The following DOP1B variants were observed in gnomAD, a reference collection of about 807,000 sequenced individuals.
DOP1B encodes protein DOP1B.
Under a neutral mutation model 233.5 loss-of-function variants are expected in DOP1B, and 174 were observed. That is an observed-to-expected ratio of 0.75 (90% CI 0.66 to 0.85). DOP1B has a LOEUF of 0.85. DOP1B is among the 40% of genes least tolerant of loss of function. The pLI is 0.00. For missense variants in DOP1B, 2,652 were observed against 2,846.6 expected, an observed-to-expected ratio of 0.93 and a Z score of 1.56; for synonymous variants, 1,190 against 1,185.6, an observed-to-expected ratio of 1.00 and a Z score of -0.08.
At chr21:36,158,161 C>T (rs2065837134) in intron 1 of DOP1B, among the ~76,000 whole-genome samples, 1 of 151,992 alleles carries the variant, frequency 6.6e-6, no homozygotes, top group Non-Finnish European at 1.5e-5. Flanking sequence ...CTGACATTTT[C>T]GATTTTAAGG....
At chr21:36,229,157 A>G (rs2066728404) in intron 13 of DOP1B, among the ~76,000 whole-genome samples, 1 of 152,112 alleles carries the variant, frequency 6.6e-6, no homozygotes, top group Admixed American at 6.5e-5. Flanking sequence ...GTTATTTCGA[A>G]TATAAGCGAG....
intron 23 of DOP1B, among the ~76,000 whole-genome samples, chr21:36,259,511 G>A (rs977060763): frequency 7.2e-5 from 11 of 152,144 alleles, no homozygotes; most frequent in African/African-American, 2.7e-4. Flanking sequence ...GACCTCAAGT[G>A]ATCCACCCGC....
In DOP1B at chr21:36,289,156, C is replaced by A. The variant is rs769956298; in HGVS notation, c.6465C>A (p.Phe2155Leu). The change falls in exon 35 of 37, where the codon TTC (phenylalanine) becomes TTA (leucine). Residue 2155 changes from phenylalanine to leucine, a missense_variant. Coordinates refer to ENST00000691173, the MANE Select transcript of DOP1B (RefSeq NM_001320714.2). ...ELILYLSACKFLDTALSFPPD... is the reference protein window; with the variant it reads ...ELILYLSACKLLDTALSFPPD... ...TCTTGTATTTATCAGCTTGCAAATT[C>A]TTGGACACAGCGCTTTCTTTTCCAC... The A allele has an allele frequency of 1.7e-5, 27 of 1,613,990 alleles. No homozygotes were observed. The highest frequency in any genetic ancestry group is 2.2e-5 in the Non-Finnish European group (26 of 1,180,030).
intron 2 of DOP1B, among the ~76,000 whole-genome samples, chr21:36,179,293 T>C (rs2066067748): frequency 6.6e-6 from 1 of 152,264 alleles, no homozygotes; most frequent in Non-Finnish European, 1.5e-5. Context: ...AAAGTGGTTG[T>C]ATCATTTTAC....
intron 20 of DOP1B, 119 bp downstream of exon 20, chr21:36,247,747 A>G: frequency 3.0e-6 from 2 of 669,648 alleles, no homozygotes; most frequent in Admixed American, 3.4e-5. Flanking sequence ...ATGCGTATGG[A>G]GGTGATGCAA....
At chr21:36,281,414 T>A (rs1200631623) in intron 31 of DOP1B, 69 bp from the exon 32 acceptor site, 1 of 1,485,198 alleles carries the variant, frequency 6.7e-7, no homozygotes, top group East Asian at 2.3e-5. Context: ...TACACTAGTA[T>A]GAATTTCCCA....
chr21:36,186,951 G>A (rs1014947611), intron 2 of DOP1B, among the ~76,000 whole-genome samples: 1 of 152,048 alleles, frequency 6.6e-6, no homozygotes, highest in Non-Finnish European at 1.5e-5. Context: ...CCCTCCCATT[G>A]ACTTTCGGGG....
rs1281685364 is a variant in DOP1B, at chr21:36,246,155, C to T, written c.4175C>T (p.Ser1392Leu). 6 of 1,613,770 alleles carry T rather than the reference C, an allele frequency of 3.7e-6. No individual in the cohort carries two copies. The highest frequency in any genetic ancestry group is 2.2e-5 in the South Asian group (2 of 91,074). ...KVQEFVLLSL[S>L]ASMYTSQKRY... ...CAGGAGTTTGTCCTGCTCTCCCTGT[C>T]GGCGTCCATGTACACGAGCCAGAAG... The change falls in exon 19 of 37, where the codon TCG becomes TTG. Residue 1392 changes from serine to leucine, a missense_variant. Around this residue, in one of 3 missense-constraint regions of DOP1B, gnomAD observed 2,617 missense variants for 2,794.3 expected, o/e 0.94. Coordinates refer to ENST00000691173, the MANE Select transcript of DOP1B (RefSeq NM_001320714.2). The surrounding 1 kb of genome is among the most constrained non-coding windows in gnomAD (Gnocchi z 5.1).
At position 36,289,042 on chromosome 21, in the gene DOP1B, T is replaced by C. The variant is rs1431293249; in HGVS notation, c.6354-3T>C. 3 of 1,610,596 alleles carry C rather than the reference T, an allele frequency of 1.9e-6. No homozygotes were observed. The highest frequency in any genetic ancestry group is 1.1e-5 in the South Asian group (1 of 90,168). Reference sequence around the variant, plus strand: ...TAACAAGCGTTTCTTTGCAAATTTATAGAAGCACCAACAAAGTAAACAGAA... The same window carrying C: ...TAACAAGCGTTTCTTTGCAAATTTACAGAAGCACCAACAAAGTAAACAGAA... On this transcript the variant is annotated splice_polypyrimidine_tract_variant and splice_region_variant and intron_variant, in intron 34 of 36. Transcript: ENST00000691173.
intron 36 of DOP1B, 36 bp downstream of exon 36, chr21:36,292,269 T>TTG: frequency 6.6e-7 from 1 of 1,514,756 alleles, no homozygotes. Context: ...TTTTTTTTTT[T>TTG]TTGGTGAGAC....
rs1030000638 is a variant in DOP1B at position 36,164,689 on chromosome 21, T to C, written c.-26-19T>C. The C allele has an allele frequency of 2.6e-6, 4 of 1,516,266 alleles. No homozygotes were observed. The highest frequency in any genetic ancestry group is 2.8e-5 in the African/African-American group (2 of 70,214). 93.9% of individuals were successfully genotyped at this position (1,516,266 alleles called of 1,614,324 possible). On this transcript the variant is annotated intron_variant, in intron 1 of 36. Transcript: ENST00000691173. ...CCCAAATGGCTCTCTCATTTGGTTA[T>C]TTTTTGATTTGCTTTTAGATACTTT...
Position 36,246,448 on chromosome 21 carries a change from C to A in DOP1B, c.4468C>A (p.Pro1490Thr). 1 of 1,613,760 alleles carries A rather than the reference C, an allele frequency of 6.2e-7. No homozygotes were observed. Among genetic ancestry groups the A allele is most frequent in the South Asian group, 1.1e-5 (1 of 91,038 alleles). ...QAISALQYVQPHPLTSQGLLV... is the reference protein window; with the variant it reads ...QAISALQYVQTHPLTSQGLLV... ...CATCAGCGCCCTGCAGTACGTGCAGCCCCACCCCCTCACCTCCCAGGGTCT... is the reference window on the plus strand; with the variant it reads ...CATCAGCGCCCTGCAGTACGTGCAGACCCACCCCCTCACCTCCCAGGGTCT... Residue 1490 changes from proline (P) to threonine (T), a missense_variant, in exon 19 of 37, where the codon CCC becomes ACC. By Grantham distance (38) the Pro-to-Thr change is conservative. This residue lies in a region of DOP1B where 2,617 missense variants were observed against 2,794.3 expected (regional missense o/e 0.94). Transcript: ENST00000691173. The surrounding 1 kb of genome is among the most constrained non-coding windows in gnomAD (Gnocchi z 5.1).
chr21:36,271,851 A>G (rs536330235), intron 27 of DOP1B, among the ~76,000 whole-genome samples: 29 of 150,560 alleles, frequency 1.9e-4, no homozygotes, highest in African/African-American at 6.0e-4. Context: ...TAGCAAATCA[A>G]GCTGGGAGGG....
Position 36,230,694 on chromosome 21 carries a change from T to A in DOP1B, c.1910T>A (p.Phe637Tyr). The A allele has an allele frequency of 1.2e-6, 2 of 1,614,146 alleles. No individual in the cohort carries two copies. The highest frequency in any genetic ancestry group is 1.7e-6 in the Non-Finnish European group (2 of 1,180,026). ...FLCIQELIANFASKNIFGVQL... is the reference protein window; with the variant it reads ...FLCIQELIANYASKNIFGVQL... ...TGCATCCAAGAGCTAATCGCCAACT[T>A]TGCCAGCAAGAACATTTTTGGAGTA... Residue 637 changes from phenylalanine to tyrosine, a missense_variant, in exon 14 of 37, where the codon TTT becomes TAT. Physicochemically the swap from Phe to Tyr is conservative, Grantham distance 22. Around this residue, in one of 3 missense-constraint regions of DOP1B, gnomAD observed 2,617 missense variants for 2,794.3 expected, o/e 0.94. Transcript: ENST00000691173.
chr21:36,170,835 T>G (rs2065966085), intron 2 of DOP1B, among the ~76,000 whole-genome samples: 1 of 150,544 alleles, frequency 6.6e-6, no homozygotes, highest in African/African-American at 2.4e-5. Context: ...TTTGTTAGAG[T>G]TGTTACCTGA....
chr21:36,219,180 G>C (rs187745791), intron 9 of DOP1B, among the ~76,000 whole-genome samples, 192 bp from the exon 10 acceptor site: 113 of 152,254 alleles, frequency 7.4e-4, no homozygotes, highest in African/African-American at 2.5e-3. Flanking sequence ...AAAAATGTTG[G>C]CTATTTTCAT....
In DOP1B at chr21:36,230,815, C is replaced by G. The variant is rs1371051733; in HGVS notation, c.2031C>G (p.Ser677Arg). 1.2e-6 allele frequency: 2 copies of G among 1,614,094 alleles called. No individual in the cohort carries two copies. The highest frequency in any genetic ancestry group is 2.2e-5 in the South Asian group (2 of 91,080). ...GTQSLAANDS[S>R]RKNSWEPKPI... ...AGAGCCTGGCAGCCAATGATTCCAG[C>G]AGGAAGAACTCTTGGGAGCCCAAGC... is the stretch of plus-strand genomic sequence containing the variant. The change falls in exon 14 of 37, where the codon AGC becomes AGG. Residue 677 changes from serine (S) to arginine (R), a missense_variant. This residue lies in a region of DOP1B where 2,617 missense variants were observed against 2,794.3 expected (regional missense o/e 0.94). Transcript: ENST00000691173.
chr21:36,202,585 G>A (rs2066381181), intron 4 of DOP1B, among the ~76,000 whole-genome samples: 1 of 152,176 alleles, frequency 6.6e-6, no homozygotes, highest in Admixed American at 6.6e-5. Context: ...GGGTTAGTTA[G>A]GAAGTGGCCA....
intron 2 of DOP1B, chr21:36,169,320 C>G (rs2065948260): frequency 1.3e-6 from 1 of 780,558 alleles, no homozygotes; most frequent in South Asian, 1.4e-5. Flanking sequence ...TAGCCCTGGT[C>G]AATCTTACAG....
Sources: allele counts gnomAD v4.1 joint callset (sites outside exome capture counted in the v4.1 genomes callset), GRCh38; gene constraint gnomAD v4.1.1; regional missense constraint gnomAD v4.1.1; non-coding constraint Gnocchi (gnomAD v3.1); transcripts MANE v1.5; gene names NCBI Gene and HGNC (gene_info 2026-07-23, HGNC 2026-07-21).